The following DTNA variants were observed in gnomAD, a reference collection of about 807,000 sequenced individuals.
DTNA encodes the protein dystrobrevin alpha, also known as dystrophin-related protein 3.
In DTNA, 43 loss-of-function variants were observed where a neutral mutation model predicts 100.7. The observed-to-expected ratio is 0.43, with a 90% CI of 0.33 to 0.55. DTNA has a LOEUF of 0.55. Ranked by LOEUF, DTNA falls within the 20% of genes least tolerant of loss-of-function variation. The pLI is 0.04. For synonymous variants in DTNA, 349 were observed against 347.9 expected (o/e 1.00, Z -0.04); for missense variants, 798 against 953.9 (o/e 0.84, Z 2.15).
chr18:34,866,311 T>C, intron 17 of DTNA: 1 of 1,483,134 alleles, frequency 6.7e-7, no homozygotes, highest in South Asian at 1.3e-5. Flanking sequence ...AATTTAGCAT[T>C]TTTTATAACT....
At chr18:34,876,171 A>G (rs757593273) in intron 18 of DTNA, among the ~76,000 whole-genome samples, 5 of 152,230 alleles carry the variant, frequency 3.3e-5, no homozygotes, top group Non-Finnish European at 5.9e-5. Flanking sequence ...GTGATTATAG[A>G]CACATACTCT....
chr18:34,613,841 A>G (rs918780665), intron 1 of DTNA, among the ~76,000 whole-genome samples: 2 of 152,370 alleles, frequency 1.3e-5, no homozygotes, highest in Middle Eastern at 6.8e-3. Context: ...GAAGCAAGTT[A>G]TCCATAAGAT....
intron 1 of DTNA, among the ~76,000 whole-genome samples, chr18:34,594,143 G>GA (rs35934512): frequency 0.095 from 13,628 of 143,522 alleles, 693 homozygotes; most frequent in African/African-American, 0.13. Context: ...CCTCCTTCAG[G>GA]AAAAAAAAAA....
intron 12 of DTNA, 46 bp from the exon 13 acceptor site, chr18:34,838,698 TC>T: frequency 6.5e-7 from 1 of 1,528,646 alleles, no homozygotes; most frequent in Non-Finnish European, 9.1e-7. Context: ...CTTATTTCTG[TC>T]CACCTCTCTT....
chr18:34,794,097 T>G lies in DTNA; in HGVS notation c.209T>G (p.Leu70Arg). The G allele has an allele frequency of 6.2e-7, 1 of 1,614,188 alleles. No homozygotes were observed. Among genetic ancestry groups the G allele is most frequent in the South Asian group, 1.1e-5 (1 of 91,086 alleles). ...TTGCGGGAAAATGCTCTGAACAACC[T>G]GGACCCAAACACTGAACTCAACGTG... ...EALRENALNN[L>R]DPNTELNVSR... Residue 70 changes from leucine (L) to arginine (R), a missense_variant, in exon 4 of 23, where the codon CTG (leucine) becomes CGG (arginine). Transcript: ENST00000444659.
intron 1 of DTNA, among the ~76,000 whole-genome samples, chr18:34,632,374 C>T (rs1040450750): frequency 6.6e-6 from 1 of 152,164 alleles, no homozygotes; most frequent in East Asian, 1.9e-4. Context: ...CATTGCATTT[C>T]AGCTCTTTCA....
chr18:34,726,271 G>T (rs2086670343), intron 1 of DTNA, among the ~76,000 whole-genome samples: 1 of 151,890 alleles, frequency 6.6e-6, no homozygotes, highest in Admixed American at 6.6e-5. Flanking sequence ...TAAAAAGAAA[G>T]ATTTGGAGGG....
At chr18:34,651,368 A>G (rs2060423267) in intron 1 of DTNA, among the ~76,000 whole-genome samples, 1 of 149,712 alleles carries the variant, frequency 6.7e-6, no homozygotes, top group Non-Finnish European at 1.5e-5. Context: ...CACTCAATAA[A>G]TGCTAATAGT....
chr18:34,778,869 G>A (rs2094184941), intron 3 of DTNA, among the ~76,000 whole-genome samples: 2 of 152,122 alleles, frequency 1.3e-5, no homozygotes, highest in African/African-American at 2.4e-5. Flanking sequence ...CCAGGCAGGA[G>A]TGCAGTGGCG....
At chr18:34,523,512 C>T (rs2042333168) in intron 1 of DTNA, among the ~76,000 whole-genome samples, 1 of 152,128 alleles carries the variant, frequency 6.6e-6, no homozygotes, top group African/African-American at 2.4e-5. Flanking sequence ...TCATGTCCAT[C>T]TAAATTATAA....
At chr18:34,835,300 C>G (rs2096116118) in intron 11 of DTNA, among the ~76,000 whole-genome samples, 1 of 152,166 alleles carries the variant, frequency 6.6e-6, no homozygotes, top group African/African-American at 2.4e-5. Flanking sequence ...CACGGTGTAA[C>G]TCCCATATTT....
In DTNA at chr18:34,882,454, C is replaced by T. The variant is rs8095931; in HGVS notation, c.2295+253C>T. On this transcript the variant is annotated intron_variant, in intron 21 of 22. Coordinates refer to ENST00000444659, the MANE Select transcript of DTNA (RefSeq NM_001386795.1). ...TGTGATCTTGGCTCACTGCAACCTCCGTCTCCCTGATTTAAGTGATTCTCC... is the reference window on the plus strand; with the variant it reads ...TGTGATCTTGGCTCACTGCAACCTCTGTCTCCCTGATTTAAGTGATTCTCC... Among the ~76,000 whole-genome samples, 25,789 of 151,992 alleles carry T rather than the reference C, an allele frequency of 0.17. 2,310 individuals are homozygous for T. Among genetic ancestry groups the T allele is most frequent in the South Asian group, 0.18 (880 of 4,806 alleles).
chr18:34,740,899 G>A lies in DTNA; in HGVS notation c.-1-15077G>A, dbSNP rs994638751. Among the ~76,000 whole-genome samples the A allele has an allele frequency of 3.3e-5, 5 of 152,176 alleles. No homozygotes were observed. The East Asian group carries it at 9.7e-4, about 29-fold the overall frequency. On this transcript the variant is annotated intron_variant, in intron 1 of 22. Transcript: ENST00000444659. ...GTGCCACAGTCTTATTTTGTACCCT[G>A]GTGACTGTTTCTAGCAGTGTGTTTG...
chr18:34,550,586 C>T (rs1173999074), intron 1 of DTNA, among the ~76,000 whole-genome samples: 1 of 152,082 alleles, frequency 6.6e-6, no homozygotes, highest in Non-Finnish European at 1.5e-5. Context: ...CATTTTGGGC[C>T]TGTCTACATT....
intron 1 of DTNA, among the ~76,000 whole-genome samples, chr18:34,622,915 C>T (rs1222973543): frequency 1.3e-5 from 2 of 152,130 alleles, no homozygotes; most frequent in South Asian, 2.1e-4. Context: ...ATAATAATGC[C>T]GGTTTGTTTA....
In DTNA at chr18:34,888,746, T is replaced by C; in HGVS notation, c.*1012T>C. 1.0e-6 allele frequency: 1 copy of C among 985,882 alleles called. No individual in the cohort carries two copies. The allele number at this position is 985,882 out of a possible 1,614,324, so 61.1% of individuals were successfully genotyped here. A position where few individuals can be genotyped will look rare whatever the true frequency, so the allele number is the denominator to read the frequency against. ...GGTCTTGTTCCTCTCGTTTTGGCTT[T>C]AGGAAGCATGTCTTTAACAGCACCG... On this transcript the variant is annotated 3_prime_UTR_variant, in exon 23 of 23. Transcript: ENST00000444659.
At chr18:34,630,834 T>C (rs2057991544) in intron 1 of DTNA, among the ~76,000 whole-genome samples, 1 of 151,740 alleles carries the variant, frequency 6.6e-6, no homozygotes, top group Non-Finnish European at 1.5e-5. Flanking sequence ...TAGATATATG[T>C]GTTTGGAATT....
At chr18:34,571,874 G>T (rs536979550) in intron 1 of DTNA, among the ~76,000 whole-genome samples, 11 of 152,204 alleles carry the variant, frequency 7.2e-5, no homozygotes, top group Admixed American at 4.6e-4. Flanking sequence ...AATTGAATAG[G>T]TATCAAGAAA....
At chr18:34,797,331 A>G (rs763539308) in intron 4 of DTNA, among the ~76,000 whole-genome samples, 1 of 152,116 alleles carries the variant, frequency 6.6e-6, no homozygotes, top group Non-Finnish European at 1.5e-5. Context: ...CCTGAGAAGG[A>G]TGGGAAAAGA....
Sources: gnomAD v4.1 joint callset for allele counts (sites outside exome capture counted in the v4.1 genomes callset) on GRCh38, gnomAD v4.1.1 for gene constraint, MANE v1.5 for transcripts, NCBI Gene and HGNC (gene_info 2026-07-23, HGNC 2026-07-21) for gene names.